ERBIN: variants seen among roughly 807,000 people sequenced by gnomAD.
ERBIN encodes the protein densin-180-like protein.
A neutral mutation model predicts 158.4 loss-of-function variants in ERBIN; 60 were observed. That is an observed-to-expected ratio of 0.38 (90% CI 0.31 to 0.47). The LOEUF is 0.47. ERBIN is among the 20% of genes least tolerant of loss of function. The pLI, the probability that ERBIN is intolerant of heterozygous loss-of-function variation, is 0.99. For synonymous variants in ERBIN, 594 were observed against 557.2 expected (o/e 1.07, Z -0.93); for missense variants, 1,610 against 1,648.0 (o/e 0.98, Z 0.40).
At chr5:65,964,052 G>A (rs1385010456) in intron 1 of ERBIN, among the ~76,000 whole-genome samples, 1 of 152,044 alleles carries the variant, frequency 6.6e-6, no homozygotes, top group Non-Finnish European at 1.5e-5. Context: ...GCCTGCATCG[G>A]CCTCCCAAAG....
intron 20 of ERBIN, among the ~76,000 whole-genome samples, chr5:66,052,108 G>A (rs2092025903): frequency 6.6e-6 from 1 of 151,022 alleles, no homozygotes. Flanking sequence ...AAGGTGGGAG[G>A]TTAACTTGAG....
In ERBIN at chr5:65,994,818, C is replaced by T; in HGVS notation, c.261C>T (p.Ser87=). ...PDNDLTTLPA[S]IANLINLREL... is the part of the protein sequence containing the mutation. ...ATGATTTAACAACGTTACCAGCATC[C>T]ATTGCAAACCTTATTAATCTCAGGG... Residue 87 remains serine, a synonymous_variant, in exon 4 of 26, where the codon TCC becomes TCT. Transcript: ENST00000284037. 1.2e-6 allele frequency: 2 copies of T among 1,608,350 alleles called. No homozygotes were observed. The highest frequency in any genetic ancestry group is 2.2e-5 in the South Asian group (2 of 89,614).
intron 1 of ERBIN, among the ~76,000 whole-genome samples, chr5:65,938,041 G>T (rs1338756273): frequency 6.6e-6 from 1 of 152,168 alleles, no homozygotes; most frequent in Non-Finnish European, 1.5e-5. Flanking sequence ...CCATTTATTT[G>T]ATGTTTGATG....
chr5:66,069,019 G>C (rs932142013), intron 21 of ERBIN: 12 of 1,532,378 alleles, frequency 7.8e-6, no homozygotes, highest in Non-Finnish European at 9.6e-6. Flanking sequence ...CACATTTTTC[G>C]AGTGAGTACC....
At chr5:65,971,057 T>C (rs2150985966) in intron 1 of ERBIN, among the ~76,000 whole-genome samples, 1 of 152,380 alleles carries the variant, frequency 6.6e-6, no homozygotes, top group Non-Finnish European at 1.5e-5. Flanking sequence ...TCAACGTTAA[T>C]TTGACTGATT....
At chr5:66,036,458 G>T (rs1345060382) in intron 14 of ERBIN, among the ~76,000 whole-genome samples, 1 of 151,830 alleles carries the variant, frequency 6.6e-6, no homozygotes, top group Non-Finnish European at 1.5e-5. Context: ...TTTCTTACCT[G>T]GCTTCTTACC....
At chr5:65,963,383 T>G (rs570762385) in intron 1 of ERBIN, among the ~76,000 whole-genome samples, 2 of 152,238 alleles carry the variant, frequency 1.3e-5, no homozygotes, top group African/African-American at 4.8e-5. Context: ...TTTTGATCTT[T>G]AAAAACTTTA....
intron 1 of ERBIN, among the ~76,000 whole-genome samples, chr5:65,982,920 G>C (rs756996942): frequency 1.3e-5 from 2 of 152,192 alleles, no homozygotes; most frequent in Non-Finnish European, 2.9e-5. Flanking sequence ...TGACTGGGAA[G>C]GGGCAAGTGT....
chr5:65,946,632 T>A (rs1296393248), intron 1 of ERBIN, among the ~76,000 whole-genome samples: 1 of 152,222 alleles, frequency 6.6e-6, no homozygotes, highest in African/African-American at 2.4e-5. Flanking sequence ...ATCCCAGTTT[T>A]CACTGGGATA....
At chr5:65,940,432 C>T (rs1303490926) in intron 1 of ERBIN, among the ~76,000 whole-genome samples, 5 of 133,990 alleles carry the variant, frequency 3.7e-5, no homozygotes, top group African/African-American at 1.6e-4. Flanking sequence ...GTCAGCCCCC[C>T]GCCCGGCCAG....
In ERBIN at chr5:66,078,600, T is replaced by C. The variant is rs905375453; in HGVS notation, c.*70T>C. On this transcript the variant is annotated 3_prime_UTR_variant, in exon 26 of 26. Transcript: ENST00000284037. ...AAGATACTTACAGGGGAAATTAATA[T>C]TTTGACTATTTTTATATATAAAGAA... The C allele has an allele frequency of 5.1e-5, 45 of 884,186 alleles. No individual in the cohort carries two copies. The South Asian group carries it at 5.8e-4, about 11-fold the overall frequency. 54.8% of individuals were successfully genotyped at this position (884,186 alleles called of 1,614,324 possible).
intron 4 of ERBIN, among the ~76,000 whole-genome samples, chr5:66,010,760 C>G (rs1158653583): frequency 6.6e-6 from 1 of 152,134 alleles, no homozygotes; most frequent in African/African-American, 2.4e-5. Flanking sequence ...CAAACACAGG[C>G]TATATAAAAT....
intron 23 of ERBIN, chr5:66,075,980 A>G (rs928850915): frequency 3.7e-5 from 8 of 213,940 alleles, no homozygotes; most frequent in Admixed American, 1.1e-4. Context: ...AACTGATAAT[A>G]ATATACATGT....
At chr5:65,993,122 A>G (rs1752053193) in intron 3 of ERBIN, among the ~76,000 whole-genome samples, 1 of 152,214 alleles carries the variant, frequency 6.6e-6, no homozygotes, top group African/African-American at 2.4e-5. Context: ...TTGTGCAGAT[A>G]ACGTAAAATT....
intron 25 of ERBIN, 54 bp downstream of exon 25, chr5:66,077,003 C>A: frequency 1.5e-6 from 2 of 1,294,564 alleles, no homozygotes; most frequent in South Asian, 1.3e-5. Context: ...AATGTTTTCA[C>A]AGTTTAAAAT....
rs368416262 is a variant in ERBIN, at chr5:66,014,447, A to G, written c.477-222A>G. Among the ~76,000 whole-genome samples the G allele has an allele frequency of 2.1e-3, 326 of 152,280 alleles. 2 individuals carry two copies. The highest frequency in any genetic ancestry group is 7.7e-3 in the African/African-American group (320 of 41,568). ...TGGGATATTCACTTTGTCGCTTTGAAAATGTGTGGAAGTGCTAACCCTTTT... is the reference window on the plus strand; with the variant it reads ...TGGGATATTCACTTTGTCGCTTTGAGAATGTGTGGAAGTGCTAACCCTTTT... On this transcript the variant is annotated intron_variant, in intron 6 of 25. Coordinates refer to ENST00000284037, the MANE Select transcript of ERBIN (RefSeq NM_001253697.2).
intron 20 of ERBIN, among the ~76,000 whole-genome samples, chr5:66,052,726 G>A (rs1186130825): frequency 1.3e-5 from 2 of 152,110 alleles, no homozygotes; most frequent in African/African-American, 4.8e-5. Context: ...ATCACAGGTA[G>A]AAATAAAATA....
chr5:66,079,404 C>G lies in ERBIN; in HGVS notation c.*874C>G, dbSNP rs1349598225. The G allele has an allele frequency of 6.7e-6, 1 of 149,592 alleles. No homozygotes were observed. Among genetic ancestry groups the G allele is most frequent in the Non-Finnish European group, 1.5e-5 (1 of 67,566 alleles). The allele number at this position is 149,592 out of a possible 1,614,324, so 9.3% of individuals were successfully genotyped here. A position where few individuals can be genotyped will look rare whatever the true frequency, so the allele number is the denominator to read the frequency against. ...TTTTTTTTTCAAATGGTGGTACTTG[C>G]AATCTGTTTTATAATTAGTGCTCCA... On this transcript the variant is annotated 3_prime_UTR_variant, in exon 26 of 26. Transcript: ENST00000284037.
chr5:66,018,862 C>T (rs1481166908), intron 7 of ERBIN, among the ~76,000 whole-genome samples: 1 of 151,436 alleles, frequency 6.6e-6, no homozygotes, highest in African/African-American at 2.4e-5. Context: ...GTCTCGATCT[C>T]CTGACCTCAT....
Sources: gnomAD v4.1 joint callset for allele counts (sites outside exome capture counted in the v4.1 genomes callset) on GRCh38, gnomAD v4.1.1 for gene constraint, MANE v1.5 for transcripts, NCBI Gene and HGNC (gene_info 2026-07-23, HGNC 2026-07-21) for gene names.